Variants in GARIN6 observed in about 807,000 individuals in gnomAD.
The protein encoded by GARIN6 is golgi associated RAB2 interactor family member 6, also known as Golgi-associated RAB2 interactor protein 6.
At chr12:99,648,856 A>G in the GARIN6 span, 1 of 1,512,206 alleles carries the variant, frequency 6.6e-7, no homozygotes, top group Non-Finnish European at 8.8e-7. Context: ...GGTCCTGTAA[A>G]GCCTTTGGTG....
chr12:99,649,175 C>G, the GARIN6 span: 1 of 833,726 alleles, frequency 1.2e-6, no homozygotes, highest in Non-Finnish European at 2.0e-6. Flanking sequence ...ACATTGGTGG[C>G]AACACAACAT....
At chr12:99,648,298 T>G in the GARIN6 span, 1 of 1,614,176 alleles carries the variant, frequency 6.2e-7, no homozygotes, top group Non-Finnish European at 8.5e-7. Context: ...TATATTCAGG[T>G]ATGCACCCAT....
the GARIN6 span, chr12:99,648,743 A>G: frequency 1.2e-6 from 2 of 1,613,774 alleles, no homozygotes; most frequent in Non-Finnish European, 1.7e-6. Flanking sequence ...CTAGCTGGGA[A>G]CACATTGGAC....
chr12:99,648,172 G>A, the GARIN6 span: 10 of 1,608,074 alleles, frequency 6.2e-6, no homozygotes, highest in Non-Finnish European at 8.5e-6. Flanking sequence ...TTTAAAGGAA[G>A]ACATGGAGGA....
At chr12:99,648,010 A>G in the GARIN6 span, 11 of 935,220 alleles carry the variant, frequency 1.2e-5, 1 homozygote, top group South Asian at 3.6e-5. Context: ...GGTAATCAAT[A>G]CCCCACCCTC....
At chr12:99,648,455 T>C in the GARIN6 span, 1 of 1,614,188 alleles carries the variant, frequency 6.2e-7, no homozygotes, top group Non-Finnish European at 8.5e-7. Flanking sequence ...CCAGCTGCTG[T>C]CTGTGACAAT....
At chr12:99,649,252 G>C in the GARIN6 span, 1 of 1,474,766 alleles carries the variant, frequency 6.8e-7, no homozygotes. Flanking sequence ...AGATCTTGCT[G>C]GTCTCACTGT....
At chr12:99,648,504 G>A in the GARIN6 span, 65 of 1,614,012 alleles carry the variant, frequency 4.0e-5, 1 homozygote, top group South Asian at 3.3e-4. Flanking sequence ...GAGAAAGTCC[G>A]CCTGCAGAGA....
chr12:99,648,241 A>T, the GARIN6 span: 1 of 1,613,998 alleles, frequency 6.2e-7, no homozygotes, highest in Admixed American at 1.7e-5. Flanking sequence ...CATGTTTAAC[A>T]CCTCCATGGG....
chr12:99,648,250 G>C, the GARIN6 span: 1 of 1,614,178 alleles, frequency 6.2e-7, no homozygotes, highest in East Asian at 2.2e-5. Flanking sequence ...CACCTCCATG[G>C]GGAAGCTGCA....
At chr12:99,649,323 A>G in the GARIN6 span, 1 of 1,614,158 alleles carries the variant, frequency 6.2e-7, no homozygotes, top group Non-Finnish European at 8.5e-7. Flanking sequence ...AGAAGGAGCA[A>G]TTCAGAATCA....
At chr12:99,649,737 C>G in the GARIN6 span, 1 of 213,354 alleles carries the variant, frequency 4.7e-6, no homozygotes, top group Non-Finnish European at 9.4e-6. Context: ...CTGGCCTCTC[C>G]CTAGAGAGCA....
chr12:99,649,669 AG>A, the GARIN6 span: 67 of 372,762 alleles, frequency 1.8e-4, no homozygotes, highest in African/African-American at 1.3e-3. Context: ...TGTTATAGCA[AG>A]GGCTGCATGC....
At chr12:99,647,959 T>A in the GARIN6 span, 1 of 632,208 alleles carries the variant, frequency 1.6e-6, no homozygotes, top group Non-Finnish European at 2.7e-6. Context: ...CAGGGCACAG[T>A]CTGGATCCAG....
chr12:99,648,759 T>C, the GARIN6 span: 45 of 1,612,930 alleles, frequency 2.8e-5, no homozygotes, highest in South Asian at 4.5e-4. Context: ...TGGACTCATC[T>C]GTGTTGGAGG....
chr12:99,648,081 C>CT, the GARIN6 span: 1 of 1,509,152 alleles, frequency 6.6e-7, no homozygotes. Context: ...GCTGGCCCAC[C>CT]TGCCAGAGTA....
At chr12:99,648,927 T>G in the GARIN6 span, 2 of 1,225,078 alleles carry the variant, frequency 1.6e-6, no homozygotes, top group Non-Finnish European at 2.2e-6. Flanking sequence ...TGAGCTTCCA[T>G]TTGGAGGCCA....
At chr12:99,649,297 A>G in the GARIN6 span, 2 of 1,613,886 alleles carry the variant, frequency 1.2e-6, no homozygotes, top group Admixed American at 1.7e-5. Flanking sequence ...GGGATATGCC[A>G]TGAAGTTTTG....
the GARIN6 span, chr12:99,649,275 G>A: frequency 1.2e-6 from 2 of 1,604,036 alleles, no homozygotes; most frequent in African/African-American, 1.3e-5. Flanking sequence ...TTGCTTATTT[G>A]TTCTCTCCCT....
Sources: gnomAD v4.1 joint callset for allele counts on GRCh38, gnomAD v4.1.1 for gene constraint, MANE v1.5 for transcripts, NCBI Gene and HGNC (gene_info 2026-07-23, HGNC 2026-07-21) for gene names.